Variants in CDCA7L observed in about 807,000 individuals in gnomAD.
CDCA7L encodes cell division cycle associated 7 like.
A neutral mutation model predicts 57.4 loss-of-function variants in CDCA7L; 44 were observed. The observed-to-expected ratio is 0.77, with a 90% CI of 0.60 to 0.98. The LOEUF (loss-of-function observed/expected upper bound fraction) is 0.98, where lower values mean the gene tolerates loss of function less well. Among genes scored for constraint, CDCA7L ranks in the 50% least tolerant of loss-of-function variants. The probability of loss-of-function intolerance (pLI) is 0.00; values close to 1 mark genes in which losing one functional copy is unlikely to be tolerated. For missense variants in CDCA7L, 644 were observed against 580.6 expected, an observed-to-expected ratio of 1.11 and a Z score of -1.12; for synonymous variants, 236 against 202.8, an observed-to-expected ratio of 1.16 and a Z score of -1.39.
chr7:21,920,707 T>C (rs935426922), intron 1 of CDCA7L, among the ~76,000 whole-genome samples: 1 of 152,256 alleles, frequency 6.6e-6, no homozygotes, highest in Non-Finnish European at 1.5e-5. Context: ...CAAGGAGGTA[T>C]GTTAAACAAT....
At chr7:21,912,549 G>C (rs1785366575) in intron 2 of CDCA7L, among the ~76,000 whole-genome samples, 2 of 152,168 alleles carry the variant, frequency 1.3e-5, no homozygotes, top group Admixed American at 1.3e-4. Context: ...CCACGTGTTG[G>C]CTTCCCTTTC....
chr7:21,903,326 C>T (rs1785006020), intron 8 of CDCA7L, among the ~76,000 whole-genome samples: 1 of 152,156 alleles, frequency 6.6e-6, no homozygotes, highest in African/African-American at 2.4e-5. Flanking sequence ...CCTTTTAGGG[C>T]TCCTTGCTTA....
chr7:21,915,415 C>T (rs1393497764), intron 2 of CDCA7L, among the ~76,000 whole-genome samples: 1 of 151,492 alleles, frequency 6.6e-6, no homozygotes, highest in Non-Finnish European at 1.5e-5. Flanking sequence ...AGCAGGACAA[C>T]AGACAAGATT....
intron 1 of CDCA7L, among the ~76,000 whole-genome samples, chr7:21,928,441 G>A (rs1200867670): frequency 6.6e-6 from 1 of 152,044 alleles, no homozygotes; most frequent in Non-Finnish European, 1.5e-5. Flanking sequence ...GAACAAAACT[G>A]GATGGAGAAT....
At chr7:21,936,548 T>C (rs1786172028) in intron 1 of CDCA7L, among the ~76,000 whole-genome samples, 1 of 151,332 alleles carries the variant, frequency 6.6e-6, no homozygotes, top group African/African-American at 2.4e-5. Context: ...GTACACCCTA[T>C]GAACAGAATA....
chr7:21,919,217 C>G (rs1429412304), intron 1 of CDCA7L, among the ~76,000 whole-genome samples: 1 of 151,894 alleles, frequency 6.6e-6, no homozygotes, highest in African/African-American at 2.4e-5. Context: ...CTTTCTCTCA[C>G]TCTCCCCCTT....
At chr7:21,905,328 A>G (rs912693962) in intron 7 of CDCA7L, among the ~76,000 whole-genome samples, 178 bp downstream of exon 7, 3 of 152,128 alleles carry the variant, frequency 2.0e-5, no homozygotes, top group African/African-American at 7.2e-5. Context: ...GATGGGAATT[A>G]CTGCACTAGG....
chr7:21,904,079 A>C (rs1399424905), intron 8 of CDCA7L, 31 bp downstream of exon 8: 1 of 1,539,664 alleles, frequency 6.5e-7, no homozygotes, highest in Non-Finnish European at 8.8e-7. Flanking sequence ...TCACCAATAC[A>C]ATTTACAACA....
At chr7:21,909,812 T>G (rs1785257380) in intron 3 of CDCA7L, among the ~76,000 whole-genome samples, 1 of 152,056 alleles carries the variant, frequency 6.6e-6, no homozygotes, top group Non-Finnish European at 1.5e-5. Context: ...AAAGAACAAA[T>G]GGTACACAGC....
chr7:21,910,818 A>G (rs1012954065), intron 3 of CDCA7L, among the ~76,000 whole-genome samples: 2 of 152,076 alleles, frequency 1.3e-5, no homozygotes, highest in Non-Finnish European at 2.9e-5. Flanking sequence ...CATCTTTAAC[A>G]CTAAAAAGCA....
chr7:21,922,570 T>C lies in CDCA7L; in HGVS notation c.25-5676A>G, dbSNP rs369536925. ...CAGGGAACATGCACGGTGGAACTCATAGGGCTCTGTGGGACACCAAGGAAA... is the reference window on the plus strand; with the variant it reads ...CAGGGAACATGCACGGTGGAACTCACAGGGCTCTGTGGGACACCAAGGAAA... On this transcript the variant is annotated intron_variant, in intron 1 of 9. Transcript: ENST00000406877. Among the ~76,000 whole-genome samples the C allele has an allele frequency of 5.9e-5, 9 of 152,282 alleles. No homozygotes were observed. The East Asian group carries it at 7.7e-4, about 13-fold the overall frequency.
Position 21,901,406 on chromosome 7 carries a change from A to AGTAACACTGGCATTCCTCT in CDCA7L, c.*915_*916insAGAGGAATGCCAGTGTTAC. The AGTAACACTGGCATTCCTCT allele has an allele frequency of 8.9e-7, 1 of 1,121,170 alleles. No individual in the cohort carries two copies. The highest frequency in any genetic ancestry group is 1.2e-6 in the Non-Finnish European group (1 of 854,744). 69.5% of individuals were successfully genotyped at this position (1,121,170 alleles called of 1,614,324 possible). A position where few individuals can be genotyped will look rare whatever the true frequency, so the allele number is the denominator to read the frequency against. On this transcript the variant is annotated 3_prime_UTR_variant, in exon 10 of 10. Transcript: ENST00000406877. ...CTATCCTTAGAGTGAAAGTCAGAAA[A>AGTAACACTGGCATTCCTCT]AAATACTAGAAACTAACTCAGGGCT...
chr7:21,916,614 A>T, intron 2 of CDCA7L, 140 bp downstream of exon 2: 1 of 760,098 alleles, frequency 1.3e-6, no homozygotes, highest in Non-Finnish European at 2.1e-6. Flanking sequence ...ACAGGAAGAC[A>T]CAGACATAAT....
intron 7 of CDCA7L, 139 bp from the exon 8 acceptor site, chr7:21,904,398 A>G (rs1785063033): frequency 1.1e-6 from 1 of 894,912 alleles, no homozygotes; most frequent in African/African-American, 1.7e-5. Context: ...TTTCCTAAGA[A>G]CCACAGCATT....
intron 3 of CDCA7L, among the ~76,000 whole-genome samples, chr7:21,911,301 A>G (rs941163165): frequency 6.6e-6 from 1 of 151,986 alleles, no homozygotes; most frequent in Admixed American, 6.6e-5. Flanking sequence ...TGCTGGGATT[A>G]CAGGTATGAG....
chr7:21,916,220 A>G (rs1785476314), intron 2 of CDCA7L, among the ~76,000 whole-genome samples: 1 of 152,168 alleles, frequency 6.6e-6, no homozygotes, highest in Admixed American at 6.5e-5. Flanking sequence ...TTCTACTACT[A>G]GGACACAATG....
At chr7:21,923,408 G>A (rs73079569) in intron 1 of CDCA7L, among the ~76,000 whole-genome samples, 2,185 of 152,134 alleles carry the variant, frequency 0.014, 19 homozygotes, top group Non-Finnish European at 0.022. Flanking sequence ...TGGGAGGATC[G>A]GTTGAGCCCA....
At chr7:21,944,104 G>GT (rs1583884903) in intron 1 of CDCA7L, among the ~76,000 whole-genome samples, 9 of 152,092 alleles carry the variant, frequency 5.9e-5, no homozygotes, top group Admixed American at 5.2e-4. Flanking sequence ...CAGAGGGTTT[G>GT]TTTTTTGTTT....
At chr7:21,930,409 G>T (rs939898031) in intron 1 of CDCA7L, among the ~76,000 whole-genome samples, 2 of 152,094 alleles carry the variant, frequency 1.3e-5, no homozygotes, top group Non-Finnish European at 2.9e-5. Context: ...AAAAGAACTA[G>T]AGAGTGGCCG....
Sources: allele counts gnomAD v4.1 joint callset (sites outside exome capture counted in the v4.1 genomes callset), GRCh38; gene constraint gnomAD v4.1.1; transcripts MANE v1.5; gene names NCBI Gene and HGNC (gene_info 2026-07-23, HGNC 2026-07-21).